NBEA: variants seen among roughly 807,000 people sequenced by gnomAD.
NBEA encodes the protein neurobeachin.
In NBEA, 44 loss-of-function variants were observed where a neutral mutation model predicts 343.4. That is an observed-to-expected ratio of 0.13 (90% confidence interval 0.10 to 0.16). The LOEUF (loss-of-function observed/expected upper bound fraction) is 0.16. NBEA is among the 10% of genes least tolerant of loss of function. The probability of loss-of-function intolerance (pLI) is 1.00; values close to 1 mark genes in which losing one functional copy is unlikely to be tolerated. For missense variants in NBEA, 2,555 were observed against 3,631.3 expected, an observed-to-expected ratio of 0.70 and a Z score of 7.62; for synonymous variants, 1,175 against 1,238.7, an observed-to-expected ratio of 0.95 and a Z score of 1.08.
intron 28 of NBEA, among the ~76,000 whole-genome samples, chr13:35,177,834 A>G (rs1366278767): frequency 1.3e-5 from 2 of 151,834 alleles, no homozygotes; most frequent in African/African-American, 4.8e-5. Context: ...TGAAATGTAG[A>G]AGAAAGTTTA....
chr13:35,646,946 C>T (rs1182543626), intron 51 of NBEA, among the ~76,000 whole-genome samples: 1 of 152,122 alleles, frequency 6.6e-6, no homozygotes, highest in Non-Finnish European at 1.5e-5. Context: ...AAAATAGTAC[C>T]TACTACTGAG....
At chr13:35,257,842 A>G (rs900010846) in intron 34 of NBEA, among the ~76,000 whole-genome samples, 2 of 152,210 alleles carry the variant, frequency 1.3e-5, no homozygotes, top group Non-Finnish European at 2.9e-5. Context: ...GAAGTCTGAC[A>G]TATGAAAGGA....
intron 36 of NBEA, among the ~76,000 whole-genome samples, chr13:35,334,068 C>T (rs929626819): frequency 6.6e-6 from 1 of 151,960 alleles, no homozygotes; most frequent in Admixed American, 6.6e-5. Flanking sequence ...CCCAGCACTG[C>T]GATTACTAGA....
intron 34 of NBEA, among the ~76,000 whole-genome samples, chr13:35,264,737 T>C (rs1432920395): frequency 6.6e-6 from 1 of 151,870 alleles, no homozygotes; most frequent in African/African-American, 2.4e-5. Flanking sequence ...TCAGAAGGAA[T>C]ATACCTCAAC....
chr13:35,345,943 G>A (rs1484759401), intron 36 of NBEA, among the ~76,000 whole-genome samples: 1 of 152,000 alleles, frequency 6.6e-6, no homozygotes, highest in Non-Finnish European at 1.5e-5. Flanking sequence ...TTTTCCATGT[G>A]GATAATGGTG....
At chr13:35,061,188 TG>T (rs1294465634) in intron 8 of NBEA, among the ~76,000 whole-genome samples, 1 of 151,742 alleles carries the variant, frequency 6.6e-6, no homozygotes, top group Admixed American at 6.6e-5. Flanking sequence ...AGGTAATTTT[TG>T]TTCTGTCGAA....
At chr13:35,295,878 T>A (rs2036095715) in intron 35 of NBEA, among the ~76,000 whole-genome samples, 1 of 152,186 alleles carries the variant, frequency 6.6e-6, no homozygotes, top group African/African-American at 2.4e-5. Context: ...ATTTTATTGT[T>A]GAATTCTTTT....
intron 38 of NBEA, among the ~76,000 whole-genome samples, chr13:35,399,065 C>T (rs1349265672): frequency 6.6e-6 from 1 of 152,114 alleles, no homozygotes; most frequent in East Asian, 1.9e-4. Context: ...TGCACTTTTA[C>T]AGTATGGAGA....
intron 1 of NBEA, among the ~76,000 whole-genome samples, chr13:34,978,481 C>T (rs1453643604): frequency 3.9e-5 from 6 of 152,106 alleles, no homozygotes; most frequent in Non-Finnish European, 4.4e-5. Flanking sequence ...GTTTGGCTAC[C>T]TCCCCACCAT....
At chr13:35,625,408 G>T (rs576706026) in intron 48 of NBEA, among the ~76,000 whole-genome samples, 1 of 152,106 alleles carries the variant, frequency 6.6e-6, no homozygotes, top group Admixed American at 6.5e-5. Context: ...CGTGAGCTCA[G>T]GAGTTTGAGA....
Position 35,211,131 on chromosome 13 carries a change from C to G in NBEA, c.5600C>G (p.Ala1867Gly). 1.3e-6 allele frequency: 2 copies of G among 1,553,264 alleles called. No homozygotes were observed. The highest frequency in any genetic ancestry group is 1.7e-4 in the Middle Eastern group (1 of 5,996). Reference protein sequence around the residue: ...VNGATSKNLPAVQTVAPMPED... With the variant: ...VNGATSKNLPGVQTVAPMPED... ...GGTGCTACTAGCAAAAACCTTCCAG[C>G]TGTACAAACTGTTGCTCCAATGCCA... The change falls in exon 33 of 59, where the codon GCT becomes GGT. Residue 1867 changes from alanine (A) to glycine (G), a missense_variant. Ala to Gly is a moderately conservative substitution (Grantham distance 60). This residue lies in a region of NBEA where 84 missense variants were observed against 196.4 expected (regional missense o/e 0.43). Coordinates refer to ENST00000379939, the MANE Select transcript of NBEA (RefSeq NM_001385012.1).
intron 41 of NBEA, chr13:35,474,906 G>A: frequency 1.1e-6 from 1 of 949,822 alleles, no homozygotes; most frequent in Non-Finnish European, 1.5e-6. Flanking sequence ...TGTGGGGGTG[G>A]GTGAGATGAT....
chr13:35,550,371 CA>C, intron 41 of NBEA, 105 bp from the exon 42 acceptor site: 1 of 627,960 alleles, frequency 1.6e-6, no homozygotes, highest in Non-Finnish European at 2.7e-6. Context: ...TTGTGACAGA[CA>C]GTGAATTCAT....
At chr13:35,461,599 C>G (rs968881375) in intron 40 of NBEA, among the ~76,000 whole-genome samples, 8 of 152,140 alleles carry the variant, frequency 5.3e-5, no homozygotes, top group African/African-American at 1.4e-4. Context: ...GATAACAAAA[C>G]AATTTTCCTA....
At chr13:35,576,668 A>G (rs7989610) in intron 45 of NBEA, among the ~76,000 whole-genome samples, 1 of 152,178 alleles carries the variant, frequency 6.6e-6, no homozygotes, top group African/African-American at 2.4e-5. Flanking sequence ...AACTGTTGAT[A>G]TACTGTCATA....
intron 46 of NBEA, among the ~76,000 whole-genome samples, chr13:35,585,002 T>TC (rs1054383040): frequency 4.6e-5 from 7 of 151,406 alleles, no homozygotes; most frequent in Admixed American, 3.3e-4. Context: ...GCACTTGCTC[T>TC]CCCCCCCTCC....
chr13:35,204,667 G>A (rs1287001502), intron 31 of NBEA, among the ~76,000 whole-genome samples: 2 of 151,636 alleles, frequency 1.3e-5, no homozygotes, highest in Non-Finnish European at 2.9e-5. Flanking sequence ...GAGGATTCAA[G>A]GTATCCGTCA....
intron 40 of NBEA, among the ~76,000 whole-genome samples, chr13:35,465,452 C>A (rs982656408): frequency 9.9e-5 from 15 of 152,086 alleles, no homozygotes; most frequent in African/African-American, 3.6e-4. Context: ...GCTACTTAAT[C>A]CAACCTAGGG....
In NBEA at chr13:35,588,780, AAATC is replaced by A. The variant is rs199903441; in HGVS notation, c.7177-4547_7177-4544del. Reference sequence around the variant, plus strand: ...ATATAACATGTATACAGAAGTAATTAAATCTTTTTCCCTGGCTTGCTGACCACTC... The same window carrying A: ...ATATAACATGTATACAGAAGTAATTATTTTTCCCTGGCTTGCTGACCACTC... On this transcript the variant is annotated intron_variant, in intron 46 of 58. Transcript: ENST00000379939. 4.6e-3 allele frequency among the ~76,000 whole-genome samples: 707 copies of A among 152,294 alleles called. 7 individuals are homozygous for A. The highest frequency in any genetic ancestry group is 0.016 in the African/African-American group (672 of 41,582).
Sources: gnomAD v4.1 joint callset for allele counts (sites outside exome capture counted in the v4.1 genomes callset) on GRCh38, gnomAD v4.1.1 for gene constraint, gnomAD v4.1.1 regional missense constraint, MANE v1.5 for transcripts, NCBI Gene and HGNC (gene_info 2026-07-23, HGNC 2026-07-21) for gene names.